The following GLIS1 variants were observed in gnomAD, a reference collection of about 807,000 sequenced individuals.
GLIS1 encodes the protein zinc finger protein GLIS1.
In GLIS1, 24 loss-of-function variants were observed where a neutral mutation model predicts 63.8. That is an observed-to-expected ratio of 0.38 (90% CI 0.27 to 0.53). GLIS1 has a LOEUF of 0.53. GLIS1 is among the 20% of genes least tolerant of loss of function. The pLI, the probability that GLIS1 is intolerant of heterozygous loss-of-function variation, is 0.85. For missense variants in GLIS1, 1,036 were observed against 1,074.1 expected (o/e 0.96, Z 0.50); for synonymous variants, 450 against 482.5 (o/e 0.93, Z 0.88).
intron 2 of GLIS1, among the ~76,000 whole-genome samples, chr1:53,626,965 A>G (rs952497171): frequency 6.6e-6 from 1 of 152,236 alleles, no homozygotes; most frequent in Non-Finnish European, 1.5e-5. Context: ...GGCTTTGTAA[A>G]CTGTAGAGCA....
At chr1:53,622,671 G>C (rs1645558277) in intron 2 of GLIS1, among the ~76,000 whole-genome samples, 1 of 152,112 alleles carries the variant, frequency 6.6e-6, no homozygotes, top group African/African-American at 2.4e-5. Flanking sequence ...GACATGGCCA[G>C]GAGACGGATG....
At chr1:53,541,278 T>C (rs901193820) in intron 4 of GLIS1, among the ~76,000 whole-genome samples, 1 of 152,332 alleles carries the variant, frequency 6.6e-6, no homozygotes, top group Middle Eastern at 3.4e-3. Context: ...AAGGTTACCT[T>C]CAGGAGATCT....
At chr1:53,584,303 C>T (rs1198351454) in intron 4 of GLIS1, among the ~76,000 whole-genome samples, 1 of 152,194 alleles carries the variant, frequency 6.6e-6, no homozygotes, top group Non-Finnish European at 1.5e-5. Flanking sequence ...AGCCCCCATG[C>T]AGGTAATTCA....
At chr1:53,722,797 C>T (rs1375595363) in intron 2 of GLIS1, among the ~76,000 whole-genome samples, 4 of 150,408 alleles carry the variant, frequency 2.7e-5, no homozygotes, top group Non-Finnish European at 4.4e-5. Context: ...TGGGCCACTG[C>T]ACTCCACCCT....
intron 2 of GLIS1, among the ~76,000 whole-genome samples, chr1:53,649,284 T>C (rs1368280939): frequency 6.6e-6 from 1 of 152,208 alleles, no homozygotes; most frequent in Non-Finnish European, 1.5e-5. Context: ...TCACAGAAAC[T>C]GAAAGATGCA....
intron 2 of GLIS1, among the ~76,000 whole-genome samples, chr1:53,678,538 C>T (rs1048657840): frequency 2.6e-5 from 4 of 152,094 alleles, no homozygotes; most frequent in African/African-American, 9.7e-5. Context: ...CTGGTACCTG[C>T]ACCCCCAGCC....
At chr1:53,605,390 A>G (rs1569905151) in intron 2 of GLIS1, among the ~76,000 whole-genome samples, 2 of 151,764 alleles carry the variant, frequency 1.3e-5, no homozygotes, top group Non-Finnish European at 2.9e-5. Flanking sequence ...GCAGAAGCAC[A>G]CCTCCTCCTG....
chr1:53,553,491 G>A (rs1008012941), intron 4 of GLIS1, among the ~76,000 whole-genome samples: 1 of 152,222 alleles, frequency 6.6e-6, no homozygotes, highest in African/African-American at 2.4e-5. Context: ...ACACAGTGGT[G>A]AGCAAGACAC....
chr1:53,715,205 G>A (rs895773400), intron 2 of GLIS1, among the ~76,000 whole-genome samples: 3 of 152,298 alleles, frequency 2.0e-5, no homozygotes, highest in Non-Finnish European at 2.9e-5. Flanking sequence ...TGTGAGCCCC[G>A]TGCCTGGCCA....
At chr1:53,600,973 G>C (rs1033192836) in intron 2 of GLIS1, among the ~76,000 whole-genome samples, 6 of 152,176 alleles carry the variant, frequency 3.9e-5, no homozygotes, top group Non-Finnish European at 8.8e-5. Flanking sequence ...ACCACATAAA[G>C]TGTAACAAGA....
chr1:53,685,377 G>A lies in GLIS1; in HGVS notation c.259+52429C>T, dbSNP rs553541432. Among the ~76,000 whole-genome samples the A allele has an allele frequency of 9.5e-4, 145 of 152,322 alleles. 1 individual carries two copies. Among genetic ancestry groups the A allele is most frequent in the Admixed American group, 1.4e-3 (22 of 15,302 alleles). On this transcript the variant is annotated intron_variant, in intron 2 of 10. Coordinates refer to ENST00000628545, the MANE Select transcript of GLIS1 (RefSeq NM_001367484.1). ...AGAGCGCCGTGGTGTCTGCGCTGCC[G>A]GGCGCGATCTGTTATTATCCCCCGT...
intron 6 of GLIS1, among the ~76,000 whole-genome samples, chr1:53,522,747 A>C (rs1287509468): frequency 1.3e-5 from 2 of 150,254 alleles, no homozygotes; most frequent in South Asian, 2.1e-4. Flanking sequence ...CTATCTCTAC[A>C]AAAAAAATAT....
intron 2 of GLIS1, among the ~76,000 whole-genome samples, chr1:53,651,516 G>A (rs1031246764): frequency 2.0e-5 from 3 of 151,690 alleles, no homozygotes; most frequent in Non-Finnish European, 2.9e-5. Context: ...AGGTGGGTCT[G>A]GGGGGGCGAC....
intron 4 of GLIS1, among the ~76,000 whole-genome samples, chr1:53,538,784 C>T (rs1400886385): frequency 6.6e-6 from 1 of 152,166 alleles, no homozygotes; most frequent in Non-Finnish European, 1.5e-5. Context: ...CAGGAACACA[C>T]TGACAGCTCT....
chr1:53,719,274 G>A (rs1646729553), intron 2 of GLIS1, among the ~76,000 whole-genome samples: 1 of 152,214 alleles, frequency 6.6e-6, no homozygotes, highest in Non-Finnish European at 1.5e-5. Flanking sequence ...CCAGGGCTGT[G>A]CCCAGTTCTC....
rs1267853105 is a variant in GLIS1, at chr1:53,594,978, G to C, written c.450C>G (p.Pro150=). 7.0e-7 allele frequency: 1 copy of C among 1,433,594 alleles called. No individual in the cohort carries two copies. Among genetic ancestry groups the C allele is most frequent in the African/African-American group, 1.4e-5 (1 of 69,498 alleles). 88.8% of individuals were successfully genotyped at this position (1,433,594 alleles called of 1,614,324 possible). ...GGCTGCCGTTCACATACGTGGCCTGGGGTCTAGGTGACCTGGAAGACAGTG... is the reference window on the plus strand; with the variant it reads ...GGCTGCCGTTCACATACGTGGCCTGCGGTCTAGGTGACCTGGAAGACAGTG... ...HFPHPDRSPR[P]QATYVNGSLP... The change falls in exon 4 of 11, where the codon CCC becomes CCG. Residue 150 remains proline (P), a synonymous_variant. Coordinates refer to ENST00000628545, the MANE Select transcript of GLIS1 (RefSeq NM_001367484.1).
chr1:53,675,573 AAAATG>A (rs1258110197), intron 2 of GLIS1, among the ~76,000 whole-genome samples: 2 of 152,366 alleles, frequency 1.3e-5, no homozygotes, highest in African/African-American at 4.8e-5. Flanking sequence ...GAAATGTAAG[AAAATG>A]AAGCAAGGAG....
chr1:53,643,097 G>A lies in GLIS1; in HGVS notation c.260-42819C>T, dbSNP rs192381538. Among the ~76,000 whole-genome samples the A allele has an allele frequency of 6.0e-4, 91 of 152,258 alleles. No individual in the cohort carries two copies. In the East Asian group the frequency reaches 0.012, roughly 20 times the overall value. On this transcript the variant is annotated intron_variant, in intron 2 of 10. Transcript: ENST00000628545. ...TAACAAGACCCAGTTCCTAGTTCCC[G>A]AACAAACGAAACCACCAAGGTCTGT...
chr1:53,673,309 C>A (rs1187592434), intron 2 of GLIS1, among the ~76,000 whole-genome samples: 1 of 152,250 alleles, frequency 6.6e-6, no homozygotes, highest in African/African-American at 2.4e-5. Flanking sequence ...ACTGGGGCGA[C>A]TTGGCCAGGG....
Sources: allele counts gnomAD v4.1 joint callset (sites outside exome capture counted in the v4.1 genomes callset), GRCh38; gene constraint gnomAD v4.1.1; transcripts MANE v1.5; gene names NCBI Gene and HGNC (gene_info 2026-07-23, HGNC 2026-07-21).